The following MMS22L variants were observed in gnomAD, a reference collection of about 807,000 sequenced individuals.
MMS22L encodes protein MMS22-like.
Under a neutral mutation model 159.1 loss-of-function variants are expected in MMS22L, and 74 were observed. The ratio of observed to expected loss-of-function variants is 0.47; its 90% CI spans 0.39 to 0.56. The LOEUF (loss-of-function observed/expected upper bound fraction) is 0.56, where lower values mean the gene tolerates loss of function less well. MMS22L is among the 20% of genes least tolerant of loss of function. MMS22L has a pLI of 0.00. For synonymous variants in MMS22L, 517 were observed against 506.9 expected (o/e 1.02, Z -0.27); for missense variants, 1,351 against 1,422.1 (o/e 0.95, Z 0.80).
chr6:97,255,866 C>T (rs1450002529), intron 9 of MMS22L, among the ~76,000 whole-genome samples: 1 of 152,130 alleles, frequency 6.6e-6, no homozygotes, highest in Non-Finnish European at 1.5e-5. Flanking sequence ...GTAAACCTTT[C>T]ATCACTATAA....
chr6:97,157,810 G>GT (rs1393585402), intron 22 of MMS22L, among the ~76,000 whole-genome samples: 8 of 152,118 alleles, frequency 5.3e-5, no homozygotes, highest in Non-Finnish European at 1.2e-4. Flanking sequence ...CCAGGTTTTA[G>GT]TATCAGGATG....
intron 14 of MMS22L, among the ~76,000 whole-genome samples, chr6:97,207,313 C>T (rs1043730624): frequency 2.0e-5 from 3 of 152,140 alleles, no homozygotes; most frequent in Non-Finnish European, 2.9e-5. Flanking sequence ...TCAAGTGCTC[C>T]TCTGGTCAAT....
chr6:97,172,862 A>G (rs1803689800), intron 19 of MMS22L, among the ~76,000 whole-genome samples: 1 of 152,156 alleles, frequency 6.6e-6, no homozygotes, highest in Non-Finnish European at 1.5e-5. Context: ...AAAACAATCA[A>G]AAGTATTGAA....
intron 15 of MMS22L, among the ~76,000 whole-genome samples, chr6:97,184,738 G>A (rs1805049448): frequency 6.6e-6 from 1 of 151,998 alleles, no homozygotes; most frequent in Admixed American, 6.6e-5. Flanking sequence ...TCATTTTTGG[G>A]TTATTACAAT....
rs1233757592 is a variant in MMS22L at position 97,181,922 on chromosome 6, C to G, written c.2366G>C (p.Ser789Thr). The G allele has an allele frequency of 6.2e-7, 1 of 1,612,580 alleles. No homozygotes were observed. Among genetic ancestry groups the G allele is most frequent in the East Asian group, 2.2e-5 (1 of 44,850 alleles). ...CACGTACCTATTTTGTAGGACATGACTTAAATATCTTGCTACAACTTGAGG... is the reference window on the plus strand; with the variant it reads ...CACGTACCTATTTTGTAGGACATGAGTTAAATATCTTGCTACAACTTGAGG... ...ICPQVVARYL[S>T]HVLQNSTLCE... The change falls in exon 16 of 25, where the codon AGT (serine) becomes ACT (threonine). Residue 789 changes from serine to threonine, a missense_variant. Transcript: ENST00000683635.
chr6:97,249,460 G>A (rs536467504), intron 10 of MMS22L, among the ~76,000 whole-genome samples: 1 of 152,254 alleles, frequency 6.6e-6, no homozygotes, highest in African/African-American at 2.4e-5. Flanking sequence ...CAGAAGTAAA[G>A]ACAGTTTTAG....
At position 97,146,004 on chromosome 6, in the gene MMS22L, C is replaced by T. The variant is rs1216803623; in HGVS notation, c.*802G>A. On this transcript the variant is annotated 3_prime_UTR_variant, in exon 25 of 25. Coordinates refer to ENST00000683635, the MANE Select transcript of MMS22L (RefSeq NM_001350599.2). Reference sequence around the variant, plus strand: ...GCTAAAGAGCAAGAAGATGGATCAGCTGACTTCTCAGACCACTACTATTGT... The same window carrying T: ...GCTAAAGAGCAAGAAGATGGATCAGTTGACTTCTCAGACCACTACTATTGT... 6.6e-6 allele frequency: 1 copy of T among 152,058 alleles called. No homozygotes were observed. Among genetic ancestry groups the T allele is most frequent in the African/African-American group, 2.4e-5 (1 of 41,416 alleles). The allele number at this position is 152,058 out of a possible 1,614,324, so 9.4% of individuals were successfully genotyped here. A position where few individuals can be genotyped will look rare whatever the true frequency, so the allele number is the denominator to read the frequency against.
chr6:97,203,553 C>G (rs994939295), intron 14 of MMS22L, among the ~76,000 whole-genome samples: 24 of 152,314 alleles, frequency 1.6e-4, no homozygotes, highest in African/African-American at 5.5e-4. Flanking sequence ...GCTGCAGAAC[C>G]AGCTGTAATC....
At chr6:97,283,937 A>C (rs990280565), upstream of MMS22L, among the ~76,000 whole-genome samples, 2 of 152,270 alleles carry the variant, frequency 1.3e-5, no homozygotes, top group Non-Finnish European at 2.9e-5. Context: ...CATACTTCTA[A>C]CTAACCTGTG....
chr6:97,251,974 T>C (rs1433893809), intron 10 of MMS22L, among the ~76,000 whole-genome samples: 2 of 151,690 alleles, frequency 1.3e-5, no homozygotes, highest in African/African-American at 4.8e-5. Flanking sequence ...TCCCAACTAC[T>C]CAGGAGGCAG....
intron 9 of MMS22L, 72 bp downstream of exon 9, chr6:97,263,263 C>G: frequency 1.1e-6 from 1 of 930,340 alleles, no homozygotes; most frequent in South Asian, 1.6e-5. Context: ...AGATTTTTCT[C>G]AGTTAAAACC....
intron 14 of MMS22L, 42 bp downstream of exon 14, chr6:97,228,852 T>C (rs1185419227): frequency 2.6e-6 from 4 of 1,538,348 alleles, no homozygotes; most frequent in African/African-American, 1.4e-5. Flanking sequence ...TAAGTAATTA[T>C]ATAAAACAAA....
At chr6:97,184,053 T>C (rs1332047213) in intron 15 of MMS22L, among the ~76,000 whole-genome samples, 1 of 151,770 alleles carries the variant, frequency 6.6e-6, no homozygotes, top group Non-Finnish European at 1.5e-5. Context: ...TATCAGGCCT[T>C]TGCCTCTCCA....
intron 24 of MMS22L, 144 bp from the exon 25 acceptor site, chr6:97,147,031 A>G: frequency 1.9e-6 from 1 of 533,500 alleles, no homozygotes; most frequent in South Asian, 2.8e-5. Flanking sequence ...ACACTTCTTA[A>G]AAAGTAATGC....
intron 24 of MMS22L, among the ~76,000 whole-genome samples, chr6:97,147,631 T>C (rs1347574170): frequency 1.3e-5 from 2 of 152,214 alleles, no homozygotes; most frequent in East Asian, 1.9e-4. Flanking sequence ...ATGTGAGACA[T>C]GTCTGTGCAT....
At chr6:97,248,593 C>T (rs1582784515) in intron 10 of MMS22L, among the ~76,000 whole-genome samples, 1 of 152,270 alleles carries the variant, frequency 6.6e-6, no homozygotes, top group South Asian at 2.1e-4. Context: ...GCCTGCTGGG[C>T]TCACTCCTGT....
At chr6:97,253,792 T>A (rs1203300234) in intron 10 of MMS22L, 1 of 152,196 alleles carries the variant, frequency 6.6e-6, no homozygotes, top group Admixed American at 6.5e-5. Flanking sequence ...CTCACAAGTC[T>A]AATGATCAGC....
At chr6:97,219,596 T>A (rs1006808526) in intron 14 of MMS22L, among the ~76,000 whole-genome samples, 22 of 152,198 alleles carry the variant, frequency 1.4e-4, no homozygotes, top group Admixed American at 3.9e-4. Flanking sequence ...GAGGTGGATA[T>A]TATTTTACAA....
At chr6:97,150,529 A>G (rs1382020612) in intron 23 of MMS22L, among the ~76,000 whole-genome samples, 2 of 152,156 alleles carry the variant, frequency 1.3e-5, no homozygotes, top group Non-Finnish European at 2.9e-5. Context: ...TAAAAATTCT[A>G]TATTTAGCCT....
Sources: allele counts gnomAD v4.1 joint callset (sites outside exome capture counted in the v4.1 genomes callset), GRCh38; gene constraint gnomAD v4.1.1; transcripts MANE v1.5; gene names NCBI Gene and HGNC (gene_info 2026-07-23, HGNC 2026-07-21).